Variants in CD101 observed in about 807,000 individuals in gnomAD.
CD101 encodes the protein immunoglobulin superfamily member 2.
A neutral mutation model predicts 98.2 loss-of-function variants in CD101; 76 were observed. The ratio of observed to expected loss-of-function variants is 0.77; its 90% CI spans 0.64 to 0.94. The LOEUF is 0.94. Among genes scored for constraint, CD101 ranks in the 40% least tolerant of loss-of-function variants. The pLI, the probability that CD101 is intolerant of heterozygous loss-of-function variation, is 0.00. For synonymous variants in CD101, 471 were observed against 472.7 expected, an observed-to-expected ratio of 1.00 and a Z score of 0.05; for missense variants, 1,145 against 1,218.8, an observed-to-expected ratio of 0.94 and a Z score of 0.90.
In CD101 at chr1:117,018,593, AAAAC is replaced by A. The variant is rs760893814; in HGVS notation, c.2017+41_2017+44del. 4 of 1,529,552 alleles carry A rather than the reference AAAAC, an allele frequency of 2.6e-6. No homozygotes were observed. Among genetic ancestry groups the A allele is most frequent in the Non-Finnish European group, 3.5e-6 (4 of 1,137,706 alleles). The allele number at this position is 1,529,552 out of a possible 1,614,324, so 94.7% of individuals were successfully genotyped here. ...TGACTTGAAATTAATCCCTGTTTTA[AAAAC>A]AAACAAATAGCAATCCTCCCATTTT... On this transcript the variant is annotated intron_variant, in intron 6 of 9. Transcript: ENST00000682167. The surrounding 1 kb of genome is among the most constrained non-coding windows in gnomAD (Gnocchi z 4.3).
intron 8 of CD101, among the ~76,000 whole-genome samples, chr1:117,031,921 C>T (rs1264590816): frequency 2.6e-5 from 4 of 152,168 alleles, no homozygotes; most frequent in Non-Finnish European, 5.9e-5. Context: ...GCTTATAATA[C>T]CTGGACTCCA....
At chr1:117,008,496 G>A (rs1198910980) in intron 1 of CD101, among the ~76,000 whole-genome samples, 1 of 152,022 alleles carries the variant, frequency 6.6e-6, no homozygotes, top group African/African-American at 2.4e-5. Flanking sequence ...AAATGTGTGT[G>A]GTTGGCTGAC....
intron 3 of CD101, among the ~76,000 whole-genome samples, chr1:117,013,057 G>A (rs1652983244): frequency 6.6e-6 from 1 of 151,936 alleles, no homozygotes; most frequent in Non-Finnish European, 1.5e-5. Flanking sequence ...CAGCAATTTA[G>A]TGTAAAATAT....
Position 117,012,025 on chromosome 1 carries a change from A to G in CD101, c.841+59A>G. 7.1e-7 allele frequency: 1 copy of G among 1,416,030 alleles called. No homozygotes were observed. Among genetic ancestry groups the G allele is most frequent in the Non-Finnish European group, 9.6e-7 (1 of 1,041,746 alleles). 87.7% of individuals were successfully genotyped at this position (1,416,030 alleles called of 1,614,324 possible). ...TAGTATTAGGTAGTGGGTATTTATGAGGTATGTTTTAATTTTTGTTCTAAT... is the reference window on the plus strand; with the variant it reads ...TAGTATTAGGTAGTGGGTATTTATGGGGTATGTTTTAATTTTTGTTCTAAT... On this transcript the variant is annotated intron_variant, in intron 3 of 9. Coordinates refer to ENST00000682167, the MANE Select transcript of CD101 (RefSeq NM_001256106.3). The surrounding 1 kb of genome is among the most constrained non-coding windows in gnomAD (Gnocchi z 4.0).
chr1:117,022,558 T>A lies in CD101; in HGVS notation c.2428+575T>A, dbSNP rs1002950642. On this transcript the variant is annotated intron_variant, in intron 7 of 9. Coordinates refer to ENST00000682167, the MANE Select transcript of CD101 (RefSeq NM_001256106.3). The surrounding 1 kb of genome is among the most constrained non-coding windows in gnomAD (Gnocchi z 4.8). ...TGGTCTAAGAGTGCCACTGTCTAAATGTGGGCAGGGTTGATTAGGTCTCTC... is the reference window on the plus strand; with the variant it reads ...TGGTCTAAGAGTGCCACTGTCTAAAAGTGGGCAGGGTTGATTAGGTCTCTC... Among the ~76,000 whole-genome samples, 5 of 152,168 alleles carry A rather than the reference T, an allele frequency of 3.3e-5. No homozygotes were observed. The highest frequency in any genetic ancestry group is 6.5e-5 in the Admixed American group (1 of 15,276).
At chr1:117,031,720 A>G (rs575813688) in intron 8 of CD101, among the ~76,000 whole-genome samples, 1 of 152,346 alleles carries the variant, frequency 6.6e-6, no homozygotes, top group South Asian at 2.1e-4. Flanking sequence ...ATGCTTTATT[A>G]TACATTATCT....
chr1:117,028,177 A>G (rs1472245184), intron 8 of CD101, among the ~76,000 whole-genome samples: 1 of 152,200 alleles, frequency 6.6e-6, no homozygotes, highest in Non-Finnish European at 1.5e-5. Context: ...GAAATTGTGG[A>G]AACCCAACTG....
Position 117,001,847 on chromosome 1 carries a change from C to G in CD101, c.30C>G (p.Phe10Leu). ...CAGGCATCTCATATGTGGCATCTTT[C>G]TTTCTCCTTCTGAGTAAGTTTCATA... Reference protein sequence around the residue: MAGISYVASFFLLLTKLSIG... With the variant: MAGISYVASLFLLLTKLSIG... The change falls in exon 1 of 10, where the codon TTC (phenylalanine) becomes TTG (leucine). Residue 10 changes from phenylalanine to leucine, a missense_variant. Phe to Leu is a conservative substitution (Grantham distance 22). Coordinates refer to ENST00000682167, the MANE Select transcript of CD101 (RefSeq NM_001256106.3). The G allele has an allele frequency of 2.5e-6, 4 of 1,614,092 alleles. No individual in the cohort carries two copies. In the South Asian group the frequency reaches 4.4e-5, roughly 18 times the overall value.
Position 117,010,893 on chromosome 1 carries a change from T to G in CD101, c.425-657T>G, listed in dbSNP as rs956867095. On this transcript the variant is annotated intron_variant, in intron 2 of 9. Coordinates refer to ENST00000682167, the MANE Select transcript of CD101 (RefSeq NM_001256106.3). This position sits in a 1 kb window ranked among gnomAD's most constrained non-coding sequence, Gnocchi z 5.2. ...ATCCAGTTACATGGTAATTGGCTAT[T>G]TGTATGCCTCTTTCCCACCACATCC... Among the ~76,000 whole-genome samples the G allele has an allele frequency of 1.3e-5, 2 of 152,132 alleles. No homozygotes were observed. Among genetic ancestry groups the G allele is most frequent in the Non-Finnish European group, 2.9e-5 (2 of 68,028 alleles).
chr1:117,006,822 A>C lies in CD101; in HGVS notation c.44-3028A>C, dbSNP rs1652562798. Among the ~76,000 whole-genome samples, 1 of 152,228 alleles carries C rather than the reference A, an allele frequency of 6.6e-6. No homozygotes were observed. The highest frequency in any genetic ancestry group is 1.5e-5 in the Non-Finnish European group (1 of 68,042). On this transcript the variant is annotated intron_variant, in intron 1 of 9. Coordinates refer to ENST00000682167, the MANE Select transcript of CD101 (RefSeq NM_001256106.3). The surrounding 1 kb of genome is among the most constrained non-coding windows in gnomAD (Gnocchi z 4.4). Reference sequence around the variant, plus strand: ...GATTGGATTATGAAATCCAGAAGTCAGAATCTAGCCTAAATTCATCTTCAT... The same window carrying C: ...GATTGGATTATGAAATCCAGAAGTCCGAATCTAGCCTAAATTCATCTTCAT...
chr1:117,016,100 C>G (rs12097676), intron 4 of CD101, among the ~76,000 whole-genome samples: 1 of 151,348 alleles, frequency 6.6e-6, no homozygotes, highest in South Asian at 2.1e-4. Flanking sequence ...ACATAAGAAG[C>G]CTCTCTGTTT....
At position 117,010,448 on chromosome 1, in the gene CD101, T is replaced by A. The variant is rs1315954133; in HGVS notation, c.424+218T>A. ...TTCTCAATTATCTTTGCCATAAATA[T>A]TTAGATGGTGTGTGGTTTTCCCAAG... On this transcript the variant is annotated intron_variant, in intron 2 of 9. Coordinates refer to ENST00000682167, the MANE Select transcript of CD101 (RefSeq NM_001256106.3). This position sits in a 1 kb window ranked among gnomAD's most constrained non-coding sequence, Gnocchi z 5.2. Among the ~76,000 whole-genome samples the A allele has an allele frequency of 6.6e-6, 1 of 152,184 alleles. No individual in the cohort carries two copies. Among genetic ancestry groups the A allele is most frequent in the African/African-American group, 2.4e-5 (1 of 41,442 alleles).
rs2101140180 is a variant in CD101, at chr1:117,022,938, C to T, written c.2428+955C>T. On this transcript the variant is annotated intron_variant, in intron 7 of 9. Transcript: ENST00000682167. The surrounding 1 kb of genome is among the most constrained non-coding windows in gnomAD (Gnocchi z 4.8). ...CTTCTCCCTGCTAAATGTGTGTGTTCCTCAGGGATAGATCCTGGGCCTGTT... is the reference window on the plus strand; with the variant it reads ...CTTCTCCCTGCTAAATGTGTGTGTTTCTCAGGGATAGATCCTGGGCCTGTT... Among the ~76,000 whole-genome samples, 1 of 152,264 alleles carries T rather than the reference C, an allele frequency of 6.6e-6. No homozygotes were observed. Among genetic ancestry groups the T allele is most frequent in the South Asian group, 2.1e-4 (1 of 4,820 alleles).
chr1:117,034,828 T>G (rs1654705576), intron 9 of CD101, among the ~76,000 whole-genome samples: 1 of 152,214 alleles, frequency 6.6e-6, no homozygotes, highest in Non-Finnish European at 1.5e-5. Context: ...AGTACTCCAG[T>G]CAGCCCCCCA....
intron 9 of CD101, among the ~76,000 whole-genome samples, chr1:117,034,445 G>T (rs1425613991): frequency 2.0e-5 from 3 of 152,124 alleles, no homozygotes; most frequent in Admixed American, 1.3e-4. Flanking sequence ...GCCCTGGTGG[G>T]GCTTCTCTCT....
Position 117,013,567 on chromosome 1 carries a change from C to G in CD101, c.1003C>G (p.Leu335Val). 6.2e-7 allele frequency: 1 copy of G among 1,614,142 alleles called. No homozygotes were observed. Among genetic ancestry groups the G allele is most frequent in the Non-Finnish European group, 8.5e-7 (1 of 1,180,022 alleles). Residue 335 changes from leucine to valine, a missense_variant, in exon 4 of 10, where the codon CTG becomes GTG. Physicochemically the swap from Leu to Val is conservative, Grantham distance 32. Coordinates refer to ENST00000682167, the MANE Select transcript of CD101 (RefSeq NM_001256106.3). ...EIAHIDAGGV[L>V]GLKNDYKERA... The stretch of plus-strand genomic sequence containing the variant: ...TGCTCACATTGATGCTGGTGGAGTC[C>G]TGGGCCTGAAGAATGACTACAAAGA...
chr1:117,026,688 C>T (rs933932879), intron 8 of CD101: 1 of 152,146 alleles, frequency 6.6e-6, no homozygotes, highest in Non-Finnish European at 1.5e-5. Context: ...TGATGAAAAG[C>T]GTATCTTCTC....
chr1:117,016,645 G>A (rs945495480), intron 4 of CD101, among the ~76,000 whole-genome samples: 2 of 152,176 alleles, frequency 1.3e-5, no homozygotes, highest in African/African-American at 4.8e-5. Flanking sequence ...GATCGCTTGA[G>A]GCCAGAAGTT....
rs74480396 is a variant in CD101, at chr1:117,033,461, A to G, written c.2825-399A>G. ...GTGTGTGCCTGTGTGTTGGAGGAGC[A>G]GCAGTGGGAATAACTCAGTTAAAAA... On this transcript the variant is annotated intron_variant, in intron 8 of 9. Coordinates refer to ENST00000682167, the MANE Select transcript of CD101 (RefSeq NM_001256106.3). The surrounding 1 kb of genome is among the most constrained non-coding windows in gnomAD (Gnocchi z 4.8). Among the ~76,000 whole-genome samples, 4,061 of 151,938 alleles carry G rather than the reference A, an allele frequency of 0.027. 180 individuals are homozygous for G. The highest frequency in any genetic ancestry group is 0.093 in the African/African-American group (3,853 of 41,434).
Sources: allele counts gnomAD v4.1 joint callset (sites outside exome capture counted in the v4.1 genomes callset), GRCh38; gene constraint gnomAD v4.1.1; non-coding constraint Gnocchi (gnomAD v3.1); transcripts MANE v1.5; gene names NCBI Gene and HGNC (gene_info 2026-07-23, HGNC 2026-07-21).